Variants in CMIP observed in about 807,000 individuals in gnomAD.
CMIP encodes C-Maf-inducing protein.
In CMIP, 13 loss-of-function variants were observed where a neutral mutation model predicts 97.3. That is an observed-to-expected ratio of 0.13 (90% CI 0.09 to 0.21). The LOEUF is 0.21. CMIP is among the 10% of genes least tolerant of loss of function. The probability of loss-of-function intolerance (pLI) is 1.00; values close to 1 mark genes in which losing one functional copy is unlikely to be tolerated. For synonymous variants in CMIP, 538 were observed against 436.3 expected (o/e 1.23, Z -2.91); for missense variants, 847 against 1,024.9 (o/e 0.83, Z 2.37).
At chr16:81,581,572 A>G (rs1164793846) in intron 1 of CMIP, among the ~76,000 whole-genome samples, 1 of 152,238 alleles carries the variant, frequency 6.6e-6, no homozygotes, top group Non-Finnish European at 1.5e-5. Flanking sequence ...CATCGTGACC[A>G]GAACGTTGTT....
intron 11 of CMIP, among the ~76,000 whole-genome samples, chr16:81,692,525 C>T (rs547528623): frequency 6.6e-6 from 1 of 152,346 alleles, no homozygotes; most frequent in South Asian, 2.1e-4. Context: ...GCAGCTGGGG[C>T]TCTCGAAGGA....
At chr16:81,633,426 A>AG (rs1443413751) in intron 3 of CMIP, among the ~76,000 whole-genome samples, 1 of 152,242 alleles carries the variant, frequency 6.6e-6, no homozygotes, top group Non-Finnish European at 1.5e-5. Flanking sequence ...TAAAAAGAGC[A>AG]GTGCTTGTCC....
intron 1 of CMIP, among the ~76,000 whole-genome samples, chr16:81,607,320 C>G (rs1045503555): frequency 8.5e-5 from 13 of 152,208 alleles, no homozygotes; most frequent in African/African-American, 3.1e-4. Context: ...TCCAGCTGCT[C>G]CCACTCTGTT....
chr16:81,461,764 A>G (rs1243201298), intron 1 of CMIP, among the ~76,000 whole-genome samples: 2 of 152,334 alleles, frequency 1.3e-5, no homozygotes, highest in African/African-American at 4.8e-5. Flanking sequence ...CATCCCAGCA[A>G]TGCCTCTTGT....
intron 1 of CMIP, among the ~76,000 whole-genome samples, chr16:81,573,381 TAGG>T (rs1015159154): frequency 6.6e-6 from 1 of 151,266 alleles, no homozygotes; most frequent in Non-Finnish European, 1.5e-5. Context: ...TTTTCCCTAA[TAGG>T]AGCTGTCAGA....
intron 1 of CMIP, among the ~76,000 whole-genome samples, chr16:81,589,678 C>T (rs1263850187): frequency 3.3e-5 from 5 of 152,170 alleles, no homozygotes; most frequent in African/African-American, 1.2e-4. Context: ...GCATAACCAT[C>T]GATTCAGCGC....
Position 81,545,774 on chromosome 16 carries a change from A to T in CMIP, c.301-61793A>T, listed in dbSNP as rs1199459687. On this transcript the variant is annotated intron_variant, in intron 1 of 20. Coordinates refer to ENST00000537098, the MANE Select transcript of CMIP (RefSeq NM_198390.3). ...AAACGCCCAGCTTACCTGGGCATAG[A>T]AGCCTTCCTGCCGGCCCTCCCGTGG... Among the ~76,000 whole-genome samples, 3 of 152,206 alleles carry T rather than the reference A, an allele frequency of 2.0e-5. No individual in the cohort carries two copies. The East Asian group carries it at 5.8e-4, about 29-fold the overall frequency.
At chr16:81,642,748 T>C (rs1244512755) in intron 3 of CMIP, among the ~76,000 whole-genome samples, 1 of 152,008 alleles carries the variant, frequency 6.6e-6, no homozygotes, top group African/African-American at 2.4e-5. Flanking sequence ...ATATAAAACT[T>C]AGCCAGGCGT....
chr16:81,699,935 T>A, intron 15 of CMIP, 134 bp downstream of exon 15: 1 of 617,686 alleles, frequency 1.6e-6, no homozygotes, highest in Non-Finnish European at 2.9e-6. Flanking sequence ...GTCCCAGCCG[T>A]CCTGAGCTTA....
intron 1 of CMIP, among the ~76,000 whole-genome samples, chr16:81,535,560 G>C (rs1344730681): frequency 2.0e-5 from 3 of 151,108 alleles, no homozygotes; most frequent in Admixed American, 2.0e-4. Flanking sequence ...GCAAGAATGA[G>C]ATCAGACACG....
chr16:81,670,904 C>G (rs955687783), intron 8 of CMIP, among the ~76,000 whole-genome samples: 3 of 152,190 alleles, frequency 2.0e-5, no homozygotes, highest in Admixed American at 6.5e-5. Context: ...TCTCGGCTTA[C>G]TGCAACCTCC....
intron 1 of CMIP, among the ~76,000 whole-genome samples, chr16:81,581,818 C>T (rs1470718912): frequency 6.6e-6 from 1 of 152,184 alleles, no homozygotes; most frequent in Non-Finnish European, 1.5e-5. Context: ...GCCTGATCCC[C>T]AGAACCCTTT....
chr16:81,481,195 A>T (rs1908239964), intron 1 of CMIP, among the ~76,000 whole-genome samples: 1 of 152,148 alleles, frequency 6.6e-6, no homozygotes, highest in African/African-American at 2.4e-5. Flanking sequence ...TGGGGCTCTT[A>T]GGAATATGCG....
At chr16:81,659,378 G>A (rs2092520290) in intron 5 of CMIP, among the ~76,000 whole-genome samples, 1 of 151,976 alleles carries the variant, frequency 6.6e-6, no homozygotes, top group Admixed American at 6.5e-5. Flanking sequence ...GGGGTGCAGA[G>A]GATAGGTACT....
chr16:81,528,596 G>C (rs866382926), intron 1 of CMIP, among the ~76,000 whole-genome samples: 5 of 152,264 alleles, frequency 3.3e-5, no homozygotes, highest in Middle Eastern at 3.4e-3. Context: ...GCTAATTCTG[G>C]TAACTATTCC....
At chr16:81,571,697 C>A (rs548618640) in intron 1 of CMIP, among the ~76,000 whole-genome samples, 1 of 152,210 alleles carries the variant, frequency 6.6e-6, no homozygotes, top group African/African-American at 2.4e-5. Context: ...CGGTCCCTTC[C>A]TTGGTGTGTG....
Position 81,672,463 on chromosome 16 carries a change from A to G in CMIP, c.1034+393A>G, listed in dbSNP as rs567065361. ...TGTGACTGTGTGTACGTGTGTGCACATGGAGGTGTGAATATGTGCCCGTGT... is the reference window on the plus strand; with the variant it reads ...TGTGACTGTGTGTACGTGTGTGCACGTGGAGGTGTGAATATGTGCCCGTGT... On this transcript the variant is annotated intron_variant, in intron 9 of 20. Transcript: ENST00000537098. Among the ~76,000 whole-genome samples, 4 of 152,346 alleles carry G rather than the reference A, an allele frequency of 2.6e-5. No individual in the cohort carries two copies. In the East Asian group the frequency reaches 5.8e-4, roughly 22 times the overall value.
chr16:81,555,424 C>T (rs1022351702), intron 1 of CMIP, among the ~76,000 whole-genome samples: 1 of 152,200 alleles, frequency 6.6e-6, no homozygotes, highest in South Asian at 2.1e-4. Flanking sequence ...AGAATTCATG[C>T]TCTCAGCAGG....
Position 81,444,908 on chromosome 16 carries a change from C to T in CMIP, c.-334C>T, listed in dbSNP as rs1162510833. The stretch of plus-strand genomic sequence containing the variant: ...CGCCCCCACCCCGCCGCCCCCACCC[C>T]GGCGCCCGCCCTCCGCGCCTGGCCC... On this transcript the variant is annotated 5_prime_UTR_variant, in exon 1 of 21. Coordinates refer to ENST00000537098, the MANE Select transcript of CMIP (RefSeq NM_198390.3). Among the ~76,000 whole-genome samples the T allele has an allele frequency of 1.4e-5, 2 of 138,442 alleles. No individual in the cohort carries two copies. The highest frequency in any genetic ancestry group is 2.6e-5 in the African/African-American group (1 of 38,484). 90.8% of individuals were successfully genotyped at this position (138,442 alleles called of 152,430 possible).
Sources: allele counts gnomAD v4.1 joint callset (sites outside exome capture counted in the v4.1 genomes callset), GRCh38; gene constraint gnomAD v4.1.1; transcripts MANE v1.5; gene names NCBI Gene and HGNC (gene_info 2026-07-23, HGNC 2026-07-21).